NOX4: variants seen among roughly 807,000 people sequenced by gnomAD.
The protein encoded by NOX4 is kidney oxidase-1.
A neutral mutation model predicts 87.6 loss-of-function variants in NOX4; 69 were observed. The observed-to-expected ratio is 0.79, with a 90% CI of 0.65 to 0.96. NOX4 has a LOEUF of 0.96. Ranked by LOEUF, NOX4 falls within the 40% of genes least tolerant of loss-of-function variation. The pLI, the probability that NOX4 is intolerant of heterozygous loss-of-function variation, is 0.00. For synonymous variants in NOX4, 275 were observed against 238.2 expected (o/e 1.15, Z -1.42); for missense variants, 680 against 681.5 (o/e 1.00, Z 0.02).
intron 5 of NOX4, chr11:89,443,893 C>G (rs1445822417): frequency 2.6e-6 from 1 of 384,710 alleles, no homozygotes; most frequent in Non-Finnish European, 4.7e-6. Context: ...TGAGTGGCAA[C>G]CATCTGAACA....
chr11:89,352,718 G>A (rs1398026117), intron 13 of NOX4, among the ~76,000 whole-genome samples: 1 of 152,178 alleles, frequency 6.6e-6, no homozygotes, highest in Non-Finnish European at 1.5e-5. Flanking sequence ...ATATATGATT[G>A]AACTGCTGCA....
the NOX4 span, among the ~76,000 whole-genome samples, chr11:89,587,589 A>G: frequency 6.6e-6 from 1 of 152,148 alleles, no homozygotes; most frequent in Admixed American, 6.6e-5. Context: ...AGTGGAAAAG[A>G]GAAGCAAAAT....
the NOX4 span, among the ~76,000 whole-genome samples, chr11:89,511,413 CT>C: frequency 6.6e-6 from 1 of 151,910 alleles, no homozygotes; most frequent in Non-Finnish European, 1.5e-5. Flanking sequence ...ACTCTTCCCC[CT>C]ATCCTCTGGT....
intron 13 of NOX4, among the ~76,000 whole-genome samples, chr11:89,352,242 A>G (rs1946490780): frequency 6.6e-6 from 1 of 152,196 alleles, no homozygotes; most frequent in Non-Finnish European, 1.5e-5. Flanking sequence ...AAAATTACAT[A>G]CGTACCACAA....
At chr11:89,565,179 C>T in the NOX4 span, among the ~76,000 whole-genome samples, 1 of 152,038 alleles carries the variant, frequency 6.6e-6, no homozygotes, top group African/African-American at 2.4e-5. Context: ...TAACTATGAA[C>T]ATGTATAAAA....
At chr11:89,357,119 C>A (rs780860288) in intron 12 of NOX4, among the ~76,000 whole-genome samples, 35 of 152,152 alleles carry the variant, frequency 2.3e-4, no homozygotes, top group Non-Finnish European at 4.0e-4. Flanking sequence ...ATACGGCAGT[C>A]ACAAAGTGGC....
intron 8 of NOX4, among the ~76,000 whole-genome samples, chr11:89,417,502 A>G (rs989400293): frequency 2.0e-5 from 3 of 152,164 alleles, no homozygotes; most frequent in Non-Finnish European, 4.4e-5. Context: ...TTGTTTTGCA[A>G]AGATAAACCT....
intron 2 of NOX4, among the ~76,000 whole-genome samples, chr11:89,462,631 T>C (rs552851648): frequency 1.3e-5 from 2 of 152,092 alleles, no homozygotes; most frequent in African/African-American, 2.4e-5. Context: ...AAGAAAAACA[T>C]TGGTTATCAT....
chr11:89,390,169 T>C (rs1404680521), intron 11 of NOX4, among the ~76,000 whole-genome samples: 1 of 152,172 alleles, frequency 6.6e-6, no homozygotes, highest in Admixed American at 6.6e-5. Context: ...GAGAAGGAAA[T>C]GGCAGGAAGA....
chr11:89,511,962 G>A, the NOX4 span, among the ~76,000 whole-genome samples: 2 of 152,154 alleles, frequency 1.3e-5, no homozygotes, highest in African/African-American at 4.8e-5. Context: ...TTCTCTGTTT[G>A]CAGATTACAG....
Position 89,491,228 on chromosome 11 carries a change from T to G in NOX4, c.19A>C (p.Ser7Arg). 1.9e-6 allele frequency: 3 copies of G among 1,613,510 alleles called. No homozygotes were observed. The highest frequency in any genetic ancestry group is 2.7e-5 in the African/African-American group (2 of 75,002). ...TTAACCCCTTCGTTGGCGAGCCAGC[T>G]CCTCCAGGACACAGCCATGCCGCCG... MAVSWR[S>R]WLANEGVKHL... The change falls in exon 1 of 18, where the codon AGC becomes CGC. Residue 7 changes from serine to arginine, a missense_variant. Physicochemically the swap from Ser to Arg is moderately radical, Grantham distance 110. Transcript: ENST00000263317.
chr11:89,447,566 A>C (rs913254889), intron 4 of NOX4, among the ~76,000 whole-genome samples: 1 of 152,154 alleles, frequency 6.6e-6, no homozygotes, highest in Non-Finnish European at 1.5e-5. Context: ...CAGACAAGAA[A>C]ACTGAAGTTA....
At chr11:89,528,315 G>A in the NOX4 span, among the ~76,000 whole-genome samples, 1 of 152,122 alleles carries the variant, frequency 6.6e-6, no homozygotes, top group Non-Finnish European at 1.5e-5. Context: ...TTTGGACTTG[G>A]ACTTTTAGGT....
chr11:89,343,358 G>A (rs1946084077), intron 13 of NOX4, among the ~76,000 whole-genome samples: 1 of 152,120 alleles, frequency 6.6e-6, no homozygotes. Context: ...CTTCTGGGAG[G>A]CCCAGTATTG....
chr11:89,524,115 C>G, the NOX4 span, among the ~76,000 whole-genome samples: 1 of 152,126 alleles, frequency 6.6e-6, no homozygotes. Context: ...CTTTCTAATG[C>G]ACACTTTAAG....
intron 3 of NOX4, among the ~76,000 whole-genome samples, chr11:89,450,815 C>T (rs186974814): frequency 2.0e-5 from 3 of 150,434 alleles, no homozygotes; most frequent in African/African-American, 7.3e-5. Flanking sequence ...TTGGAACCAA[C>T]CCAAATGTCC....
At chr11:89,439,029 T>C (rs895188399) in intron 6 of NOX4, among the ~76,000 whole-genome samples, 21 of 121,542 alleles carry the variant, frequency 1.7e-4, no homozygotes, top group African/African-American at 6.4e-4. Context: ...ATCATAATAG[T>C]GCTAATAGTA....
chr11:89,410,802 G>T (rs908874876), intron 8 of NOX4, among the ~76,000 whole-genome samples: 1 of 152,192 alleles, frequency 6.6e-6, no homozygotes, highest in African/African-American at 2.4e-5. Flanking sequence ...TAGGTTTAAA[G>T]GACTGAAATT....
At chr11:89,398,222 A>G (rs1313691170) in intron 11 of NOX4, among the ~76,000 whole-genome samples, 1 of 152,138 alleles carries the variant, frequency 6.6e-6, no homozygotes, top group African/African-American at 2.4e-5. Flanking sequence ...AAACCACTTG[A>G]TTATCTCAAT....
Sources: gnomAD v4.1 joint callset for allele counts (sites outside exome capture counted in the v4.1 genomes callset) on GRCh38, gnomAD v4.1.1 for gene constraint, MANE v1.5 for transcripts, NCBI Gene and HGNC (gene_info 2026-07-23, HGNC 2026-07-21) for gene names.